The following AMOTL1 variants were observed in gnomAD, a reference collection of about 807,000 sequenced individuals.
The protein encoded by AMOTL1 is angiomotin-like protein 1.
AMOTL1 carries 45 observed loss-of-function variants against 102.9 expected under a neutral mutation model. The ratio of observed to expected loss-of-function variants is 0.44; its 90% CI spans 0.34 to 0.56. AMOTL1 has a LOEUF of 0.56. Among genes scored for constraint, AMOTL1 ranks in the 20% least tolerant of loss-of-function variants. The pLI is 0.01. For synonymous variants in AMOTL1, 481 were observed against 484.7 expected (o/e 0.99, Z 0.10); for missense variants, 1,114 against 1,225.6 (o/e 0.91, Z 1.36).
chr11:94,816,839 A>G (rs1951775113), intron 3 of AMOTL1, among the ~76,000 whole-genome samples: 1 of 152,166 alleles, frequency 6.6e-6, no homozygotes, highest in South Asian at 2.1e-4. Context: ...AATTAAAACT[A>G]TCCAACTCCT....
intron 7 of AMOTL1, among the ~76,000 whole-genome samples, chr11:94,852,645 A>G (rs999841732): frequency 3.9e-5 from 6 of 152,364 alleles, no homozygotes; most frequent in African/African-American, 1.4e-4. Context: ...TTCTAAATCC[A>G]TAGCTGATGT....
chr11:94,846,786 C>G (rs1026496542), intron 6 of AMOTL1, among the ~76,000 whole-genome samples: 28 of 152,128 alleles, frequency 1.8e-4, no homozygotes, highest in African/African-American at 6.8e-4. Flanking sequence ...TGATCATCAC[C>G]TCTGTGGGCA....
intron 3 of AMOTL1, among the ~76,000 whole-genome samples, chr11:94,812,070 T>C (rs1207115696): frequency 1.3e-5 from 2 of 152,210 alleles, no homozygotes. Flanking sequence ...TCAGGGATTC[T>C]CCGGAGGGGA....
At chr11:94,839,249 T>A (rs201915739) in intron 6 of AMOTL1, among the ~76,000 whole-genome samples, 1 of 152,256 alleles carries the variant, frequency 6.6e-6, no homozygotes, top group Non-Finnish European at 1.5e-5. Context: ...AGACCGGCTG[T>A]GGTCATTTAA....
chr11:94,768,794 G>A (rs1219895461), intron 1 of AMOTL1, among the ~76,000 whole-genome samples: 1 of 152,086 alleles, frequency 6.6e-6, no homozygotes, highest in Non-Finnish European at 1.5e-5. Flanking sequence ...CACGTTGACT[G>A]AAGTTGTGGC....
At chr11:94,731,508 G>A (rs573627960) in intron 2 of AMOTL1, among the ~76,000 whole-genome samples, 1 of 152,194 alleles carries the variant, frequency 6.6e-6, no homozygotes, top group Non-Finnish European at 1.5e-5. Flanking sequence ...GTAGGATGAG[G>A]ATACTGGCAC....
chr11:94,768,306 G>A (rs1307986305), upstream of AMOTL1: 1 of 1,346,440 alleles, frequency 7.4e-7, no homozygotes, highest in Non-Finnish European at 9.5e-7. Flanking sequence ...GAGCCCGGGC[G>A]ACCCTCCCCG....
In AMOTL1 at chr11:94,800,036, G is replaced by A. The variant is rs571152175; in HGVS notation, c.846G>A (p.Ser282=). ...RNGAKQHLPG[S]GNGKGFKVGG... Reference sequence around the variant, plus strand: ...GGGCCAAGCAACACCTTCCCGGCTCGGGGAATGGAAAGGGCTTCAAAGTAG... The same window carrying A: ...GGGCCAAGCAACACCTTCCCGGCTCAGGGAATGGAAAGGGCTTCAAAGTAG... Residue 282 remains serine (S), a synonymous_variant, in exon 3 of 13, where the codon TCG becomes TCA. Coordinates refer to ENST00000433060, the MANE Select transcript of AMOTL1 (RefSeq NM_130847.3). 8.5e-5 allele frequency: 137 copies of A among 1,614,032 alleles called. No homozygotes were observed. In the East Asian group the frequency reaches 1.7e-3, roughly 20 times the overall value.
intron 4 of AMOTL1, among the ~76,000 whole-genome samples, chr11:94,826,105 T>C (rs1343190026): frequency 6.6e-6 from 1 of 152,092 alleles, no homozygotes; most frequent in African/African-American, 2.4e-5. Flanking sequence ...GCTAACATGG[T>C]GAAACCCCAT....
At chr11:94,784,406 T>G (rs1591961283) in intron 1 of AMOTL1, among the ~76,000 whole-genome samples, 2 of 152,220 alleles carry the variant, frequency 1.3e-5, no homozygotes, top group South Asian at 4.1e-4. Flanking sequence ...TCACCTTTTT[T>G]CTGTTTAACA....
chr11:94,831,380 T>C, intron 5 of AMOTL1, 72 bp from the exon 6 acceptor site: 1 of 1,289,856 alleles, frequency 7.8e-7, no homozygotes, highest in Non-Finnish European at 1.1e-6. Flanking sequence ...TTGGCACATA[T>C]TTCATTTCTT....
chr11:94,841,179 A>G (rs571186536), intron 6 of AMOTL1, among the ~76,000 whole-genome samples: 11 of 152,294 alleles, frequency 7.2e-5, no homozygotes, highest in Admixed American at 2.0e-4. Context: ...GGTGGCTCAC[A>G]CCTGTAATCC....
intron 2 of AMOTL1, among the ~76,000 whole-genome samples, chr11:94,739,615 G>A (rs1484440777): frequency 2.0e-5 from 3 of 152,162 alleles, no homozygotes; most frequent in African/African-American, 7.2e-5. Flanking sequence ...TGAGACAATA[G>A]AAGGCCCCCA....
At chr11:94,732,182 C>G (rs1428072357) in intron 2 of AMOTL1, among the ~76,000 whole-genome samples, 2 of 152,210 alleles carry the variant, frequency 1.3e-5, no homozygotes, top group Non-Finnish European at 2.9e-5. Flanking sequence ...CCAGAGAAAG[C>G]CCTGGAGTGT....
chr11:94,719,374 A>G (rs1950142438), intron 1 of AMOTL1, among the ~76,000 whole-genome samples: 1 of 152,106 alleles, frequency 6.6e-6, no homozygotes, highest in African/African-American at 2.4e-5. Context: ...ATGATAAAAA[A>G]TTACTAAATA....
chr11:94,722,734 A>G lies in AMOTL1; in HGVS notation c.-50-6187A>G, dbSNP rs147049298. On this transcript the variant is annotated intron_variant, in intron 1 of 4. Coordinates refer to the AMOTL1 transcript ENST00000299004. ...GTGCTGCATAGCAAGTGAGCTCTAT[A>G]AGCAAATTTGCTGAAATGGTAACAG... Among the ~76,000 whole-genome samples, 856 of 152,298 alleles carry G rather than the reference A, an allele frequency of 5.6e-3. 3 individuals carry two copies. Among genetic ancestry groups the G allele is most frequent in the Non-Finnish European group, 8.2e-3 (560 of 68,014 alleles).
At chr11:94,774,195 T>G (rs1950992853) in intron 1 of AMOTL1, among the ~76,000 whole-genome samples, 1 of 152,254 alleles carries the variant, frequency 6.6e-6, no homozygotes. Context: ...CCCCTGTTCT[T>G]ACTCATGGAA....
intron 2 of AMOTL1, among the ~76,000 whole-genome samples, chr11:94,798,777 C>G (rs1057203647): frequency 6.6e-6 from 1 of 151,882 alleles, no homozygotes; most frequent in Non-Finnish European, 1.5e-5. Flanking sequence ...ACCTGGAGGC[C>G]GAATTAGGAG....
chr11:94,790,105 C>G (rs1323603852), intron 1 of AMOTL1, among the ~76,000 whole-genome samples: 1 of 152,184 alleles, frequency 6.6e-6, no homozygotes, highest in African/African-American at 2.4e-5. Context: ...CTGGAATTCT[C>G]ATAGAGACTG....
Sources: allele counts gnomAD v4.1 joint callset (sites outside exome capture counted in the v4.1 genomes callset), GRCh38; gene constraint gnomAD v4.1.1; transcripts MANE v1.5; gene names NCBI Gene and HGNC (gene_info 2026-07-23, HGNC 2026-07-21).